The following GPC3 variants were observed in gnomAD, a reference collection of about 807,000 sequenced individuals.
The protein encoded by GPC3 is glypican 3.
GPC3 carries 3 observed loss-of-function variants against 34.4 expected under a neutral mutation model. The observed-to-expected ratio is 0.09, with a 90% CI of 0.04 to 0.23. GPC3 has a LOEUF of 0.23. Among genes scored for constraint, GPC3 ranks in the 10% least tolerant of loss-of-function variants. GPC3 has a pLI of 1.00. For synonymous variants in GPC3, 177 were observed against 174.0 expected, an observed-to-expected ratio of 1.02 and a Z score of -0.13; for missense variants, 351 against 445.6, an observed-to-expected ratio of 0.79 and a Z score of 1.91.
intron 2 of GPC3, among the ~76,000 whole-genome samples, chrX:133,948,606 C>T (rs2076379649): frequency 9.0e-6 from 1 of 111,204 alleles, no homozygotes; most frequent in South Asian, 3.9e-4. Context: ...TGGCCTGAAC[C>T]GACAAACCTC....
chrX:133,656,003 A>G (rs926174316), intron 6 of GPC3, among the ~76,000 whole-genome samples: 3 of 112,247 alleles, frequency 2.7e-5, no homozygotes, highest in African/African-American at 3.2e-5. Flanking sequence ...AAGTGGAGAC[A>G]TTTCAGCATC....
intron 3 of GPC3, among the ~76,000 whole-genome samples, chrX:133,720,850 G>T (rs1175852717): frequency 1.8e-5 from 2 of 109,839 alleles, no homozygotes; most frequent in Admixed American, 2.0e-4. Context: ...AGGACGCAAA[G>T]GCATAAGAAT....
intron 2 of GPC3, among the ~76,000 whole-genome samples, chrX:133,810,222 G>C (rs1293733679): frequency 8.9e-6 from 1 of 112,080 alleles, no homozygotes; most frequent in Non-Finnish European, 1.9e-5. Context: ...CTTAAGTATG[G>C]CTAGTCTGAA....
At chrX:133,605,247 C>T (rs140880463) in intron 6 of GPC3, among the ~76,000 whole-genome samples, 1,728 of 111,102 alleles carry the variant, frequency 0.016, 30 homozygotes, top group African/African-American at 0.054. Flanking sequence ...TGAATCCCTA[C>T]TCAGCCTACT....
intron 2 of GPC3, among the ~76,000 whole-genome samples, chrX:133,768,137 ATTAT>A (rs1243695508): frequency 2.0e-5 from 2 of 102,251 alleles, no homozygotes; most frequent in Non-Finnish European, 3.8e-5. Context: ...GTAATTTATC[ATTAT>A]TTGATTGCTG....
intron 2 of GPC3, among the ~76,000 whole-genome samples, chrX:133,884,898 G>C (rs1226305763): frequency 9.0e-6 from 1 of 111,600 alleles, no homozygotes; most frequent in African/African-American, 3.3e-5. Flanking sequence ...TCAAAACCTT[G>C]TTCAAACCTA....
At chrX:133,767,565 T>C (rs759357309) in intron 2 of GPC3, among the ~76,000 whole-genome samples, 2 of 111,325 alleles carry the variant, frequency 1.8e-5, no homozygotes, top group Non-Finnish European at 1.9e-5. Flanking sequence ...ATCTTGACAG[T>C]TTCTTAGGAC....
intron 2 of GPC3, among the ~76,000 whole-genome samples, chrX:133,910,464 T>G (rs1328624833): frequency 8.9e-6 from 1 of 111,742 alleles, no homozygotes. Context: ...CCAATTGTCT[T>G]CCAGACCCTG....
At chrX:133,931,635 C>T (rs1463092970) in intron 2 of GPC3, among the ~76,000 whole-genome samples, 1 of 111,772 alleles carries the variant, frequency 8.9e-6, no homozygotes, top group Non-Finnish European at 1.9e-5. Flanking sequence ...TGTATTAAAA[C>T]CCTCTAGCAT....
intron 2 of GPC3, among the ~76,000 whole-genome samples, chrX:133,839,927 CAAAAAAA>C (rs138981758): frequency 1.2e-4 from 6 of 50,089 alleles, no homozygotes; most frequent in East Asian, 6.3e-4. Flanking sequence ...GACTCCGTTT[CAAAAAAA>C]AAAAAAAAAA....
intron 3 of GPC3, among the ~76,000 whole-genome samples, chrX:133,710,327 GT>G (rs1311440853): frequency 8.9e-6 from 1 of 111,936 alleles, no homozygotes; most frequent in East Asian, 2.8e-4. Flanking sequence ...CTCTAGACAA[GT>G]CATTTACTTT....
At chrX:133,659,926 T>A (rs1371649884) in intron 6 of GPC3, among the ~76,000 whole-genome samples, 1 of 112,035 alleles carries the variant, frequency 8.9e-6, no homozygotes, top group Non-Finnish European at 1.9e-5. Flanking sequence ...ACATCGTTTG[T>A]GCTCTGATCC....
At chrX:133,907,953 T>C (rs1603270158) in intron 2 of GPC3, among the ~76,000 whole-genome samples, 1 of 107,643 alleles carries the variant, frequency 9.3e-6, no homozygotes, top group South Asian at 3.8e-4. Context: ...ATATGTTACA[T>C]ATATATATAT....
At chrX:133,642,462 G>A (rs1363012556) in intron 6 of GPC3, among the ~76,000 whole-genome samples, 1 of 111,395 alleles carries the variant, frequency 9.0e-6, no homozygotes, top group East Asian at 2.8e-4. Context: ...TATGACGACT[G>A]AAGGGGAAAA....
chrX:133,867,023 C>A (rs1030682051), intron 2 of GPC3, among the ~76,000 whole-genome samples: 8 of 110,217 alleles, frequency 7.3e-5, no homozygotes, highest in Non-Finnish European at 1.1e-4. Context: ...CATGGTGAAA[C>A]CCTGTCTCTA....
chrX:133,575,854 G>A (rs2069675238), intron 7 of GPC3, among the ~76,000 whole-genome samples: 1 of 111,176 alleles, frequency 9.0e-6, no homozygotes, highest in African/African-American at 3.3e-5. Flanking sequence ...CCTCCTTTTC[G>A]GGTCCAGGCT....
intron 3 of GPC3, among the ~76,000 whole-genome samples, chrX:133,722,854 G>GA (rs891502572): frequency 4.6e-5 from 5 of 109,350 alleles, no homozygotes; most frequent in Admixed American, 1.9e-4. Context: ...GAAAGGAGAG[G>GA]AAAAAAAAAT....
chrX:133,713,879 T>C (rs1352523856), intron 3 of GPC3, among the ~76,000 whole-genome samples: 1 of 111,921 alleles, frequency 8.9e-6, no homozygotes, highest in Non-Finnish European at 1.9e-5. Context: ...CTAATGAATA[T>C]GAGTTTTGAC....
intron 5 of GPC3, among the ~76,000 whole-genome samples, chrX:133,672,852 G>A (rs959531221): frequency 5.7e-5 from 6 of 105,783 alleles, no homozygotes; most frequent in Admixed American, 1.0e-4. Flanking sequence ...GGGTTTCACC[G>A]GGTTAGCCAG....
Sources: allele counts gnomAD v4.1 joint callset (sites outside exome capture counted in the v4.1 genomes callset), GRCh38; gene constraint gnomAD v4.1.1; transcripts MANE v1.5; gene names NCBI Gene and HGNC (gene_info 2026-07-23, HGNC 2026-07-21).